The following DLG2 variants were observed in gnomAD, a reference collection of about 807,000 sequenced individuals.
DLG2 encodes disks large homolog 2.
Under a neutral mutation model 132.5 loss-of-function variants are expected in DLG2, and 45 were observed. The ratio of observed to expected loss-of-function variants is 0.34; its 90% CI spans 0.27 to 0.44. The LOEUF is 0.44. Among genes scored for constraint, DLG2 ranks in the 20% least tolerant of loss-of-function variants. The pLI, the probability that DLG2 is intolerant of heterozygous loss-of-function variation, is 1.00. For synonymous variants in DLG2, 424 were observed against 419.6 expected (o/e 1.01, Z -0.13); for missense variants, 1,045 against 1,196.9 (o/e 0.87, Z 1.87).
At chr11:84,770,184 C>T (rs1246736156) in intron 6 of DLG2, among the ~76,000 whole-genome samples, 1 of 152,092 alleles carries the variant, frequency 6.6e-6, no homozygotes, top group Non-Finnish European at 1.5e-5. Flanking sequence ...GTGTGACATT[C>T]CTATTCCCAC....
At chr11:85,434,372 A>G (rs183828432) in intron 3 of DLG2, among the ~76,000 whole-genome samples, 3 of 152,096 alleles carry the variant, frequency 2.0e-5, no homozygotes, top group East Asian at 3.9e-4. Context: ...CAAAAAATCA[A>G]TGAATCCAGG....
At chr11:83,593,516 G>A (rs1488068600) in intron 19 of DLG2, among the ~76,000 whole-genome samples, 5 of 151,766 alleles carry the variant, frequency 3.3e-5, no homozygotes, top group Non-Finnish European at 7.4e-5. Flanking sequence ...AGGGGGGAGG[G>A]ATAGCATTGG....
chr11:85,372,955 T>C (rs769283439), intron 3 of DLG2, among the ~76,000 whole-genome samples: 9 of 152,232 alleles, frequency 5.9e-5, no homozygotes, highest in Non-Finnish European at 1.0e-4. Flanking sequence ...CCTGAACCCT[T>C]GGGACTCCTT....
intron 6 of DLG2, among the ~76,000 whole-genome samples, chr11:84,861,132 A>T (rs2083558855): frequency 6.6e-6 from 1 of 152,158 alleles, no homozygotes; most frequent in East Asian, 1.9e-4. Flanking sequence ...GGAACAAAAA[A>T]GGACATACGC....
intron 3 of DLG2, among the ~76,000 whole-genome samples, chr11:85,295,197 C>T (rs909638483): frequency 3.3e-5 from 5 of 152,094 alleles, no homozygotes; most frequent in African/African-American, 1.2e-4. Flanking sequence ...TTTTACCTCA[C>T]AAAGATTTAC....
intron 6 of DLG2, among the ~76,000 whole-genome samples, chr11:84,797,737 T>C (rs2153951987): frequency 6.6e-6 from 1 of 152,204 alleles, no homozygotes; most frequent in East Asian, 1.9e-4. Flanking sequence ...TTTGTTCAAG[T>C]CATGTTTTCC....
chr11:84,966,404 T>A (rs1430308407), intron 6 of DLG2, among the ~76,000 whole-genome samples: 6 of 152,086 alleles, frequency 3.9e-5, no homozygotes, highest in Non-Finnish European at 4.4e-5. Context: ...CTAGAACTCA[T>A]AGGTCCATGA....
At chr11:83,836,141 A>C (rs753143153) in intron 16 of DLG2, among the ~76,000 whole-genome samples, 4 of 152,208 alleles carry the variant, frequency 2.6e-5, no homozygotes, top group African/African-American at 4.8e-5. Flanking sequence ...AGGAAGAAGC[A>C]GCAAATTCAC....
At chr11:85,485,168 C>G (rs534158513) in intron 3 of DLG2, among the ~76,000 whole-genome samples, 2 of 150,974 alleles carry the variant, frequency 1.3e-5, no homozygotes, top group Admixed American at 1.3e-4. Flanking sequence ...CACATGGACA[C>G]AGGAAGGGGA....
intron 3 of DLG2, among the ~76,000 whole-genome samples, chr11:85,350,523 A>C (rs905437364): frequency 2.6e-5 from 4 of 152,158 alleles, no homozygotes; most frequent in Non-Finnish European, 5.9e-5. Context: ...GTTTTCTTCT[A>C]GGGTTTTTAT....
At position 83,962,875 on chromosome 11, in the gene DLG2, C is replaced by T; in HGVS notation, c.1340+10G>A. ...AGAGCAAATCCAATTAACTAACAGG[C>T]ATATCTGACCTGGTGTAGTCGTCGT... On this transcript the variant is annotated intron_variant, in intron 14 of 27. Coordinates refer to ENST00000376104, the MANE Select transcript of DLG2 (RefSeq NM_001142699.3). 1 of 1,612,018 alleles carries T rather than the reference C, an allele frequency of 6.2e-7. No homozygotes were observed. Among genetic ancestry groups the T allele is most frequent in the Middle Eastern group, 1.7e-4 (1 of 6,046 alleles).
intron 6 of DLG2, among the ~76,000 whole-genome samples, chr11:84,723,225 C>T (rs1424676529): frequency 6.6e-6 from 1 of 152,152 alleles, no homozygotes; most frequent in African/African-American, 2.4e-5. Context: ...ATATCTAACA[C>T]AGTCTTTCCC....
At chr11:84,795,068 G>A (rs1291188024) in intron 6 of DLG2, among the ~76,000 whole-genome samples, 1 of 152,246 alleles carries the variant, frequency 6.6e-6, no homozygotes, top group East Asian at 1.9e-4. Flanking sequence ...ATGGACAAGA[G>A]TGAAAACACA....
intron 6 of DLG2, among the ~76,000 whole-genome samples, chr11:85,031,117 A>G (rs978134854): frequency 2.0e-5 from 3 of 151,832 alleles, no homozygotes; most frequent in Admixed American, 6.6e-5. Flanking sequence ...AAGAAGTGTC[A>G]TTTCATTTTC....
intron 18 of DLG2, among the ~76,000 whole-genome samples, chr11:83,705,585 T>C (rs1251510597): frequency 6.6e-6 from 1 of 152,190 alleles, no homozygotes; most frequent in Non-Finnish European, 1.5e-5. Flanking sequence ...AATAAACTTC[T>C]AACCCTTTAA....
intron 6 of DLG2, among the ~76,000 whole-genome samples, chr11:84,998,801 C>A (rs2057934746): frequency 1.3e-5 from 2 of 151,926 alleles, no homozygotes. Flanking sequence ...ATGTATGGAA[C>A]TTTTGGCCTC....
At chr11:84,015,696 C>T (rs1313561189) in intron 11 of DLG2, among the ~76,000 whole-genome samples, 2 of 152,114 alleles carry the variant, frequency 1.3e-5, no homozygotes, top group African/African-American at 4.8e-5. Context: ...CCATCCATGT[C>T]CCTGCAAAGG....
chr11:83,793,926 A>G (rs2042168314), intron 17 of DLG2, among the ~76,000 whole-genome samples: 2 of 152,200 alleles, frequency 1.3e-5, no homozygotes, highest in African/African-American at 4.8e-5. Flanking sequence ...TAGGAGTAGA[A>G]GAGCCTTAGA....
chr11:85,222,413 A>G (rs1409992471), intron 4 of DLG2, among the ~76,000 whole-genome samples: 1 of 152,200 alleles, frequency 6.6e-6, no homozygotes, highest in East Asian at 1.9e-4. Context: ...TGGTGAAAAA[A>G]CACCCACTCT....
Sources: allele counts gnomAD v4.1 joint callset (sites outside exome capture counted in the v4.1 genomes callset), GRCh38; gene constraint gnomAD v4.1.1; transcripts MANE v1.5; gene names NCBI Gene and HGNC (gene_info 2026-07-23, HGNC 2026-07-21).